Variants in FAT3 observed in about 807,000 individuals in gnomAD.
FAT3 encodes protocadherin Fat 3.
In FAT3, 95 loss-of-function variants were observed where a neutral mutation model predicts 310.2. The ratio of observed to expected loss-of-function variants is 0.31; its 90% confidence interval spans 0.26 to 0.36. FAT3 has a LOEUF of 0.36. Among genes scored for constraint, FAT3 ranks in the 10% least tolerant of loss-of-function variants. The pLI is 1.00. For synonymous variants in FAT3, 2,314 were observed against 2,192.9 expected, an observed-to-expected ratio of 1.06 and a Z score of -1.54; for missense variants, 5,408 against 5,715.6, an observed-to-expected ratio of 0.95 and a Z score of 1.74.
intron 7 of FAT3, among the ~76,000 whole-genome samples, chr11:92,779,122 G>A (rs1946672520): frequency 1.3e-5 from 2 of 152,074 alleles, no homozygotes; most frequent in Admixed American, 6.6e-5. Flanking sequence ...ATCACAAGGA[G>A]CATTGGCTGT....
chr11:92,691,019 A>G (rs1445932958), intron 3 of FAT3, among the ~76,000 whole-genome samples: 1 of 152,254 alleles, frequency 6.6e-6, no homozygotes, highest in African/African-American at 2.4e-5. Context: ...ACTATAACAC[A>G]GCATGTATTG....
chr11:92,664,879 C>T (rs1307122957), intron 3 of FAT3, among the ~76,000 whole-genome samples: 2 of 152,182 alleles, frequency 1.3e-5, no homozygotes, highest in Non-Finnish European at 2.9e-5. Context: ...CATCCCCACT[C>T]CCAACAAGGG....
At chr11:92,761,672 A>T (rs574725112) in intron 4 of FAT3, among the ~76,000 whole-genome samples, 184 bp from the exon 5 acceptor site, 1 of 152,330 alleles carries the variant, frequency 6.6e-6, no homozygotes, top group African/African-American at 2.4e-5. Context: ...TAGAGCATCA[A>T]TATATGAATT....
At chr11:92,621,785 A>G (rs80072421) in intron 3 of FAT3, among the ~76,000 whole-genome samples, 128 of 152,300 alleles carry the variant, frequency 8.4e-4, no homozygotes, top group Non-Finnish European at 1.4e-3. Context: ...AAAATTGTAT[A>G]TGCTTGTAAT....
intron 1 of FAT3, among the ~76,000 whole-genome samples, chr11:92,347,860 A>G (rs1301947453): frequency 1.3e-5 from 2 of 152,238 alleles, no homozygotes; most frequent in Non-Finnish European, 2.9e-5. Context: ...CTTTAAAATA[A>G]TCTAGAAGCA....
intron 4 of FAT3, among the ~76,000 whole-genome samples, chr11:92,759,682 T>G (rs967551768): frequency 2.6e-5 from 4 of 152,150 alleles, no homozygotes; most frequent in African/African-American, 4.8e-5. Flanking sequence ...CTTCAAGGGC[T>G]GTGCAGCTAC....
intron 1 of FAT3, among the ~76,000 whole-genome samples, chr11:92,286,179 T>C (rs750296142): frequency 1.3e-5 from 2 of 152,150 alleles, no homozygotes; most frequent in African/African-American, 4.8e-5. Flanking sequence ...TTGCCAGTGA[T>C]GCTTTGTCAT....
At chr11:92,812,722 C>A (rs1009524265) in intron 13 of FAT3, among the ~76,000 whole-genome samples, 8 of 152,154 alleles carry the variant, frequency 5.3e-5, no homozygotes, top group African/African-American at 1.7e-4. Flanking sequence ...CCCTGCAATT[C>A]CAGGTACACA....
chr11:92,358,611 C>T (rs1211498943), intron 2 of FAT3, among the ~76,000 whole-genome samples: 2 of 152,092 alleles, frequency 1.3e-5, no homozygotes. Flanking sequence ...CTTTCTTTCT[C>T]TCCTCTCAGC....
intron 2 of FAT3, among the ~76,000 whole-genome samples, chr11:92,477,892 T>C (rs1952090259): frequency 6.6e-6 from 1 of 152,198 alleles, no homozygotes; most frequent in Non-Finnish European, 1.5e-5. Context: ...TCTGTCAACA[T>C]GGCAGCATGG....
chr11:92,397,995 A>C (rs887552572), intron 2 of FAT3, among the ~76,000 whole-genome samples: 1 of 152,104 alleles, frequency 6.6e-6, no homozygotes, highest in Non-Finnish European at 1.5e-5. Flanking sequence ...GCAGAAATGT[A>C]TTGTCTGACA....
intron 2 of FAT3, among the ~76,000 whole-genome samples, chr11:92,478,967 C>CTT (rs374136045): frequency 1.6e-3 from 107 of 66,948 alleles, no homozygotes; most frequent in African/African-American, 5.1e-3. Flanking sequence ...CTTTTCTTTT[C>CTT]TTTTCTTTTC....
intron 2 of FAT3, among the ~76,000 whole-genome samples, chr11:92,433,466 G>A (rs972783597): frequency 1.3e-5 from 2 of 152,092 alleles, no homozygotes; most frequent in African/African-American, 4.8e-5. Context: ...GTCCCTCACG[G>A]CTTTCCTTGG....
intron 3 of FAT3, among the ~76,000 whole-genome samples, chr11:92,601,686 G>A (rs1051271479): frequency 6.6e-6 from 1 of 152,170 alleles, no homozygotes; most frequent in Non-Finnish European, 1.5e-5. Context: ...TAAAGTTGGA[G>A]GTAGAGGCAT....
chr11:92,888,360 T>G (rs977297199), intron 25 of FAT3, among the ~76,000 whole-genome samples: 1 of 152,138 alleles, frequency 6.6e-6, no homozygotes. Flanking sequence ...TAGAAATACC[T>G]AAGAATATAG....
At chr11:92,562,407 C>T (rs1955260423) in intron 3 of FAT3, among the ~76,000 whole-genome samples, 1 of 152,114 alleles carries the variant, frequency 6.6e-6, no homozygotes, top group Non-Finnish European at 1.5e-5. Context: ...ATTTCATGTT[C>T]TCCCAGTTAC....
At chr11:92,861,545 A>G (rs1457461788) in intron 21 of FAT3, among the ~76,000 whole-genome samples, 2 of 152,212 alleles carry the variant, frequency 1.3e-5, no homozygotes, top group African/African-American at 4.8e-5. Flanking sequence ...TAAACTAGAG[A>G]TGGATGCTAT....
At chr11:92,273,999 A>G (rs1231581567) in intron 1 of FAT3, among the ~76,000 whole-genome samples, 3 of 152,148 alleles carry the variant, frequency 2.0e-5, no homozygotes, top group African/African-American at 4.8e-5. Flanking sequence ...TTTATAGCGC[A>G]TAATGAAATG....
At chr11:92,628,194 A>C (rs1941407018) in intron 3 of FAT3, among the ~76,000 whole-genome samples, 1 of 152,224 alleles carries the variant, frequency 6.6e-6, no homozygotes, top group Non-Finnish European at 1.5e-5. Flanking sequence ...TATATTTAGC[A>C]AATAGTTCCT....
Sources: gnomAD v4.1 joint callset for allele counts (sites outside exome capture counted in the v4.1 genomes callset) on GRCh38, gnomAD v4.1.1 for gene constraint, MANE v1.5 for transcripts, NCBI Gene and HGNC (gene_info 2026-07-23, HGNC 2026-07-21) for gene names.